Variants in SLC39A12 observed in about 807,000 individuals in gnomAD.
SLC39A12 encodes zinc transporter ZIP12.
SLC39A12 carries 63 observed loss-of-function variants against 71.1 expected under a neutral mutation model. The ratio of observed to expected loss-of-function variants is 0.89; its 90% CI spans 0.72 to 1.09. The LOEUF is 1.09. Ranked by LOEUF, SLC39A12 falls within the 50% of genes least tolerant of loss-of-function variation. The probability of loss-of-function intolerance (pLI) is 0.00; values close to 1 mark genes in which losing one functional copy is unlikely to be tolerated. For missense variants in SLC39A12, 892 were observed against 812.6 expected (o/e 1.10, Z -1.19); for synonymous variants, 351 against 301.3 (o/e 1.16, Z -1.71).
chr10:17,976,970 A>C (rs1197327521), intron 4 of SLC39A12, among the ~76,000 whole-genome samples: 1 of 151,940 alleles, frequency 6.6e-6, no homozygotes, highest in African/African-American at 2.4e-5. Context: ...GTCTGTGAAC[A>C]CTTGTTCTTT....
intron 7 of SLC39A12, among the ~76,000 whole-genome samples, chr10:17,989,247 C>A (rs1835479424): frequency 6.6e-6 from 1 of 152,226 alleles, no homozygotes; most frequent in Admixed American, 6.5e-5. Flanking sequence ...CAGTTTCCTG[C>A]AGGGTCACTC....
At chr10:18,014,308 C>T (rs1836317753) in intron 12 of SLC39A12, among the ~76,000 whole-genome samples, 2 of 151,790 alleles carry the variant, frequency 1.3e-5, no homozygotes, top group South Asian at 4.2e-4. Flanking sequence ...TTTTGTCTTT[C>T]AACTTTGCTA....
intron 1 of SLC39A12, 58 bp from the exon 2 acceptor site, chr10:17,953,133 C>T: frequency 9.4e-7 from 1 of 1,065,816 alleles, no homozygotes; most frequent in Non-Finnish European, 1.4e-6. Context: ...TTAATGAATC[C>T]TTTCAAACAT....
intron 6 of SLC39A12, 62 bp from the exon 7 acceptor site, chr10:17,987,417 C>T (rs1835426221): frequency 1.3e-6 from 2 of 1,533,194 alleles, no homozygotes; most frequent in Non-Finnish European, 8.9e-7. Flanking sequence ...GCATTTTCGC[C>T]AGCTGAGGCC....
At chr10:18,000,541 A>C in intron 10 of SLC39A12, 126 bp from the exon 11 acceptor site, 1 of 867,988 alleles carries the variant, frequency 1.2e-6, no homozygotes, top group Admixed American at 2.3e-5. Flanking sequence ...AAACAAAGTG[A>C]TGTTATTTAA....
rs541659116 is a variant in SLC39A12 at position 17,962,238 on chromosome 10, C to T, written c.543+376C>T. On this transcript the variant is annotated intron_variant, in intron 3 of 12. Transcript: ENST00000377369. ...TTCTATTTGCCTTGCCTTCTGGCTG[C>T]GAAAGGAGAAGGCAGAGACATTTTG... Among the ~76,000 whole-genome samples, 5 of 152,162 alleles carry T rather than the reference C, an allele frequency of 3.3e-5. No homozygotes were observed. In the South Asian group the frequency reaches 1.0e-3, roughly 32 times the overall value.
intron 12 of SLC39A12, among the ~76,000 whole-genome samples, chr10:18,032,521 G>A (rs1266564461): frequency 7.0e-6 from 1 of 142,388 alleles, no homozygotes; most frequent in Non-Finnish European, 1.5e-5. Flanking sequence ...CTTTGCTGAA[G>A]TTGCTTATCA....
intron 12 of SLC39A12, among the ~76,000 whole-genome samples, chr10:18,016,283 A>G (rs1564658127): frequency 6.6e-6 from 1 of 152,208 alleles, no homozygotes. Flanking sequence ...ATATAGTTGC[A>G]ATTAATGATA....
intron 4 of SLC39A12, among the ~76,000 whole-genome samples, chr10:17,968,171 C>T (rs1305489649): frequency 6.6e-6 from 1 of 151,768 alleles, no homozygotes; most frequent in African/African-American, 2.4e-5. Context: ...ATATATAATA[C>T]TATCTCTAAA....
At chr10:17,976,179 G>C (rs1835104945) in intron 4 of SLC39A12, among the ~76,000 whole-genome samples, 1 of 152,186 alleles carries the variant, frequency 6.6e-6, no homozygotes, top group South Asian at 2.1e-4. Context: ...CTTTTCTTGT[G>C]TAGATAGTTG....
At chr10:18,013,288 G>T (rs1836282573) in intron 12 of SLC39A12, among the ~76,000 whole-genome samples, 1 of 150,118 alleles carries the variant, frequency 6.7e-6, no homozygotes, top group African/African-American at 2.4e-5. Context: ...ATCATGTTTG[G>T]GTCTGATCCA....
At chr10:17,975,766 A>G (rs140600194) in intron 4 of SLC39A12, among the ~76,000 whole-genome samples, 3 of 152,224 alleles carry the variant, frequency 2.0e-5, no homozygotes, top group African/African-American at 7.2e-5. Context: ...CTTGTGGCCT[A>G]GACTGCCTTT....
chr10:17,960,718 A>G (rs1554848281), intron 2 of SLC39A12, among the ~76,000 whole-genome samples: 1 of 152,236 alleles, frequency 6.6e-6, no homozygotes, highest in Non-Finnish European at 1.5e-5. Flanking sequence ...TGTCCAGCAC[A>G]GTAACCACTA....
chr10:18,019,251 A>G lies in SLC39A12; in HGVS notation c.1947+15893A>G, dbSNP rs1328636549. Among the ~76,000 whole-genome samples the G allele has an allele frequency of 2.0e-5, 3 of 151,732 alleles. No homozygotes were observed. The East Asian group carries it at 5.8e-4, about 29-fold the overall frequency. The stretch of plus-strand genomic sequence containing the variant: ...AATCTGTAGTGACATCCTCTCTTTG[A>G]TTTCCAGTATCAGTACTTTGTATCT... On this transcript the variant is annotated intron_variant, in intron 12 of 12. Coordinates refer to ENST00000377369, the MANE Select transcript of SLC39A12 (RefSeq NM_001145195.2).
At chr10:18,035,872 G>T (rs1836991452) in intron 12 of SLC39A12, among the ~76,000 whole-genome samples, 1 of 152,192 alleles carries the variant, frequency 6.6e-6, no homozygotes, top group South Asian at 2.1e-4. Flanking sequence ...TAACAGACAG[G>T]ACCCTCAGCT....
At chr10:17,972,296 A>G (rs570388313) in intron 4 of SLC39A12, among the ~76,000 whole-genome samples, 1 of 152,318 alleles carries the variant, frequency 6.6e-6, no homozygotes, top group East Asian at 1.9e-4. Context: ...GAAGAAAAGA[A>G]TGTTTATTCT....
chr10:18,038,995 A>C (rs903974366), intron 12 of SLC39A12, among the ~76,000 whole-genome samples: 10 of 152,194 alleles, frequency 6.6e-5, no homozygotes, highest in Non-Finnish European at 1.5e-5. Flanking sequence ...TCTTGCCCAA[A>C]ATATTTTTCT....
chr10:17,964,966 G>A (rs1319078010), intron 3 of SLC39A12, among the ~76,000 whole-genome samples: 1 of 152,192 alleles, frequency 6.6e-6, no homozygotes, highest in African/African-American at 2.4e-5. Flanking sequence ...CGGCACTTTG[G>A]GAGGCCAAGG....
intron 12 of SLC39A12, among the ~76,000 whole-genome samples, chr10:18,018,832 A>C (rs1159378487): frequency 6.6e-6 from 1 of 152,062 alleles, no homozygotes; most frequent in Non-Finnish European, 1.5e-5. Context: ...GTTGGTCTGT[A>C]GTTGATTCAT....
Sources: gnomAD v4.1 joint callset for allele counts (sites outside exome capture counted in the v4.1 genomes callset) on GRCh38, gnomAD v4.1.1 for gene constraint, MANE v1.5 for transcripts, NCBI Gene and HGNC (gene_info 2026-07-23, HGNC 2026-07-21) for gene names.